Variants in AK5 observed in about 807,000 individuals in gnomAD.
AK5 encodes the protein adenylate kinase isoenzyme 5.
In AK5, 27 loss-of-function variants were observed where a neutral mutation model predicts 69.5. The ratio of observed to expected loss-of-function variants is 0.39; its 90% CI spans 0.29 to 0.54. AK5 has a LOEUF of 0.54. Among genes scored for constraint, AK5 ranks in the 20% least tolerant of loss-of-function variants. The pLI is 0.71. For synonymous variants in AK5, 260 were observed against 244.4 expected (o/e 1.06, Z -0.60); for missense variants, 531 against 700.4 (o/e 0.76, Z 2.73).
At chr1:77,315,653 A>G (rs896345039) in intron 5 of AK5, among the ~76,000 whole-genome samples, 1 of 152,144 alleles carries the variant, frequency 6.6e-6, no homozygotes, top group African/African-American at 2.4e-5. Context: ...GTTTTGTCAC[A>G]AAAAATAAAA....
At chr1:77,428,198 G>C (rs1394327151) in intron 8 of AK5, among the ~76,000 whole-genome samples, 3 of 152,202 alleles carry the variant, frequency 2.0e-5, no homozygotes, top group African/African-American at 7.2e-5. Context: ...CTAATGGTCT[G>C]AGCAGAGTGT....
intron 8 of AK5, among the ~76,000 whole-genome samples, chr1:77,465,955 A>G (rs1486146234): frequency 1.3e-5 from 2 of 152,140 alleles, no homozygotes; most frequent in Non-Finnish European, 2.9e-5. Flanking sequence ...CATGCTTTAC[A>G]CAGAATCTAG....
At chr1:77,464,107 TG>T (rs1654001423) in intron 8 of AK5, among the ~76,000 whole-genome samples, 1 of 152,238 alleles carries the variant, frequency 6.6e-6, no homozygotes, top group Admixed American at 6.5e-5. Context: ...TTAGTTCAGC[TG>T]AAGACAGGGT....
chr1:77,295,564 A>G (rs924738339), intron 3 of AK5, among the ~76,000 whole-genome samples: 2 of 152,192 alleles, frequency 1.3e-5, no homozygotes, highest in African/African-American at 2.4e-5. Context: ...AAGTCCTTAC[A>G]TAGAAGACAA....
intron 6 of AK5, among the ~76,000 whole-genome samples, chr1:77,398,138 T>A (rs1487934129): frequency 6.6e-6 from 1 of 152,032 alleles, no homozygotes; most frequent in Non-Finnish European, 1.5e-5. Flanking sequence ...TAAATTTTTT[T>A]AAAGGATGAA....
intron 5 of AK5, among the ~76,000 whole-genome samples, chr1:77,334,561 C>A (rs973044806): frequency 6.6e-6 from 1 of 152,084 alleles, no homozygotes; most frequent in Non-Finnish European, 1.5e-5. Flanking sequence ...GTTTCTAGAG[C>A]CTTCTAACCA....
chr1:77,297,779 G>A, intron 4 of AK5, 51 bp downstream of exon 4: 1 of 1,605,682 alleles, frequency 6.2e-7, no homozygotes, highest in South Asian at 1.1e-5. Context: ...CATACCGATT[G>A]AGTATACTAA....
chr1:77,355,557 C>T (rs1662468120), intron 6 of AK5, among the ~76,000 whole-genome samples: 1 of 152,136 alleles, frequency 6.6e-6, no homozygotes, highest in African/African-American at 2.4e-5. Flanking sequence ...CTGTCTTGAC[C>T]TGGATTCTTC....
At chr1:77,300,694 C>T (rs1485352203) in intron 5 of AK5, among the ~76,000 whole-genome samples, 2 of 152,152 alleles carry the variant, frequency 1.3e-5, no homozygotes, top group African/African-American at 4.8e-5. Context: ...TCAGACCCCA[C>T]AGGTTAAGAG....
intron 13 of AK5, among the ~76,000 whole-genome samples, chr1:77,547,184 G>A (rs924686285): frequency 6.6e-6 from 1 of 150,654 alleles, no homozygotes; most frequent in African/African-American, 2.4e-5. Context: ...AGAAACAGGT[G>A]AAATTAATTT....
At chr1:77,424,227 A>G (rs544269963) in intron 8 of AK5, among the ~76,000 whole-genome samples, 2 of 152,350 alleles carry the variant, frequency 1.3e-5, no homozygotes, top group South Asian at 4.1e-4. Flanking sequence ...AACCAGTCAT[A>G]TATAGCAGGA....
chr1:77,432,983 A>G lies in AK5; in HGVS notation c.1059+15268A>G, dbSNP rs1043345553. 3.3e-5 allele frequency among the ~76,000 whole-genome samples: 5 copies of G among 152,304 alleles called. No homozygotes were observed. In the East Asian group the frequency reaches 9.6e-4, roughly 29 times the overall value. On this transcript the variant is annotated intron_variant, in intron 8 of 13. Transcript: ENST00000354567. ...TGGCTTGCAGTTTGAATTCTCTGCT[A>G]TGGTATCAGGTGGATTGGTGAACTT...
chr1:77,332,854 T>C (rs1480837882), intron 5 of AK5, among the ~76,000 whole-genome samples: 1 of 152,036 alleles, frequency 6.6e-6, no homozygotes, highest in Non-Finnish European at 1.5e-5. Flanking sequence ...GTACTCTGAG[T>C]TTTTTGCTAC....
chr1:77,514,831 A>G (rs1657548913), intron 10 of AK5, among the ~76,000 whole-genome samples: 1 of 152,250 alleles, frequency 6.6e-6, no homozygotes. Flanking sequence ...GGAACATGGC[A>G]TTTTTGCCTT....
chr1:77,282,754 C>G, intron 1 of AK5: 1 of 1,019,420 alleles, frequency 9.8e-7, no homozygotes, highest in Non-Finnish European at 1.2e-6. Flanking sequence ...CGAGTAAAGA[C>G]TCGAAACTGA....
rs1162930977 is a variant in AK5, at chr1:77,310,870, T to C, written c.699+12923T>C. On this transcript the variant is annotated intron_variant, in intron 5 of 13. Transcript: ENST00000354567. ...TGTCATGTCACTCTGTTTATTCAAG[T>C]CTAGCTTTATGTTCTTCATTAAATA... Among the ~76,000 whole-genome samples, 8 of 152,260 alleles carry C rather than the reference T, an allele frequency of 5.3e-5. No individual in the cohort carries two copies. In the East Asian group the frequency reaches 1.5e-3, roughly 29 times the overall value.
chr1:77,423,283 T>G (rs1650976481), intron 8 of AK5, among the ~76,000 whole-genome samples: 1 of 150,640 alleles, frequency 6.6e-6, no homozygotes, highest in Non-Finnish European at 1.5e-5. Context: ...CAGGGTACCT[T>G]GTACAGAACA....
At chr1:77,485,265 C>T (rs1216253361) in intron 9 of AK5, among the ~76,000 whole-genome samples, 2 of 152,218 alleles carry the variant, frequency 1.3e-5, no homozygotes, top group Admixed American at 1.3e-4. Context: ...CCCAAACTTA[C>T]TTCTATCCTC....
intron 8 of AK5, among the ~76,000 whole-genome samples, chr1:77,437,142 C>T (rs1346755882): frequency 1.3e-5 from 2 of 151,996 alleles, no homozygotes; most frequent in African/African-American, 2.4e-5. Context: ...ATTTTATCAA[C>T]AATTTTAAAA....
Sources: allele counts gnomAD v4.1 joint callset (sites outside exome capture counted in the v4.1 genomes callset), GRCh38; gene constraint gnomAD v4.1.1; transcripts MANE v1.5; gene names NCBI Gene and HGNC (gene_info 2026-07-23, HGNC 2026-07-21).